MYO5A: variants seen among roughly 807,000 people sequenced by gnomAD.
The protein encoded by MYO5A is myosin VA, also known as unconventional myosin-Va.
Under a neutral mutation model 249.7 loss-of-function variants are expected in MYO5A, and 98 were observed. The ratio of observed to expected loss-of-function variants is 0.39; its 90% confidence interval spans 0.33 to 0.46. MYO5A has a LOEUF of 0.46. Among genes scored for constraint, MYO5A ranks in the 20% least tolerant of loss-of-function variants. The pLI, the probability that MYO5A is intolerant of heterozygous loss-of-function variation, is 0.98. For missense variants in MYO5A, 1,696 were observed against 2,308.8 expected, an observed-to-expected ratio of 0.73 and a Z score of 5.44; for synonymous variants, 778 against 810.6, an observed-to-expected ratio of 0.96 and a Z score of 0.68.
Position 52,372,166 on chromosome 15 carries a change from C to A in MYO5A, c.2775G>T (p.Met925Ile). 6.2e-7 allele frequency: 1 copy of A among 1,613,714 alleles called. No homozygotes were observed. Among genetic ancestry groups the A allele is most frequent in the Non-Finnish European group, 8.5e-7 (1 of 1,180,022 alleles). ...GCTGCAGCTGCATGATCTTGTTCTC[C>A]ATGCCGATGTGCAGCTTCTTATAGC... ...VERYKKLHIG[M>I]ENKIMQLQRK... Residue 925 changes from methionine (M) to isoleucine (I), a missense_variant, in exon 21 of 42, where the codon ATG becomes ATT. By Grantham distance (10) the Met-to-Ile change is conservative. This residue lies in a region of MYO5A where 412 missense variants were observed against 453.3 expected (regional missense o/e 0.91). Transcript: ENST00000399233.
chr15:52,522,675 CAG>C (rs983240980), intron 1 of MYO5A, among the ~76,000 whole-genome samples: 2 of 152,052 alleles, frequency 1.3e-5, no homozygotes, highest in Non-Finnish European at 2.9e-5. Flanking sequence ...AAATGAAAAA[CAG>C]AGAAACTAAA....
chr15:52,333,879 G>A (rs956781252), intron 34 of MYO5A, among the ~76,000 whole-genome samples: 2 of 152,184 alleles, frequency 1.3e-5, no homozygotes, highest in Non-Finnish European at 2.9e-5. Context: ...AGGCAGATAC[G>A]AGGATGAAAA....
chr15:52,382,511 C>T (rs771392731), intron 16 of MYO5A, among the ~76,000 whole-genome samples: 2 of 152,040 alleles, frequency 1.3e-5, no homozygotes, highest in South Asian at 2.1e-4. Flanking sequence ...GCAGAGGTTG[C>T]GGTAAGCCGA....
intron 30 of MYO5A, among the ~76,000 whole-genome samples, chr15:52,344,519 T>C (rs2039524927): frequency 6.6e-6 from 1 of 152,208 alleles, no homozygotes; most frequent in Non-Finnish European, 1.5e-5. Context: ...CTTCGTCTTC[T>C]TATGTATCTT....
At chr15:52,331,820 C>T in intron 34 of MYO5A, 1 of 985,412 alleles carries the variant, frequency 1.0e-6, no homozygotes, top group Non-Finnish European at 1.2e-6. Flanking sequence ...CACCACCATC[C>T]AGCAACACTA....
intron 18 of MYO5A, among the ~76,000 whole-genome samples, chr15:52,378,211 C>T (rs150147463): frequency 5.4e-4 from 82 of 152,086 alleles, no homozygotes; most frequent in African/African-American, 1.7e-3. Context: ...TACATTCCCA[C>T]CTGAACACAG....
In MYO5A at chr15:52,337,802, T is replaced by A. The variant is rs1231358561; in HGVS notation, c.4314+8A>T. On this transcript the variant is annotated splice_region_variant and intron_variant, in intron 33 of 41. Coordinates refer to ENST00000399233, the MANE Select transcript of MYO5A (RefSeq NM_001382347.1). ...AAGACAGCAGAAAAGCACTATGGTT[T>A]TACATACAATCATCCGTTTGTAAAG... 1 of 1,530,722 alleles carries A rather than the reference T, an allele frequency of 6.5e-7. No homozygotes were observed. Among genetic ancestry groups the A allele is most frequent in the East Asian group, 2.5e-5 (1 of 40,816 alleles). The allele number at this position is 1,530,722 out of a possible 1,614,324, so 94.8% of individuals were successfully genotyped here.
intron 9 of MYO5A, among the ~76,000 whole-genome samples, chr15:52,400,286 T>C (rs1001748556): frequency 2.6e-5 from 4 of 152,206 alleles, no homozygotes; most frequent in African/African-American, 9.6e-5. Context: ...TTCCAATTTA[T>C]CCTCTGTTAT....
intron 1 of MYO5A, among the ~76,000 whole-genome samples, chr15:52,507,803 C>CAAAAAAAAAAAAAAAAAAAAAA (rs146846192): frequency 7.1e-5 from 9 of 127,156 alleles, no homozygotes; most frequent in African/African-American, 9.5e-5. Flanking sequence ...GACCCTGTCC[C>CAAAAAAAAAAAAAAAAAAAAAA]CAAAAAAAAA....
At chr15:52,320,111 G>T (rs1378735051) in intron 38 of MYO5A, among the ~76,000 whole-genome samples, 1 of 152,164 alleles carries the variant, frequency 6.6e-6, no homozygotes, top group African/African-American at 2.4e-5. Context: ...CCTTATTCTG[G>T]GTTTCCCACA....
chr15:52,445,446 T>G (rs757290065), intron 1 of MYO5A, among the ~76,000 whole-genome samples: 1 of 152,150 alleles, frequency 6.6e-6, no homozygotes, highest in Non-Finnish European at 1.5e-5. Flanking sequence ...AGGTCTTTCT[T>G]TATAGCAATG....
chr15:52,418,333 C>G (rs1418492494), intron 4 of MYO5A, among the ~76,000 whole-genome samples: 1 of 152,178 alleles, frequency 6.6e-6, no homozygotes, highest in Non-Finnish European at 1.5e-5. Flanking sequence ...AAAAATACTG[C>G]TTCATTCGTT....
At chr15:52,489,023 G>T (rs1229572465) in intron 1 of MYO5A, among the ~76,000 whole-genome samples, 2 of 152,124 alleles carry the variant, frequency 1.3e-5, no homozygotes, top group South Asian at 2.1e-4. Flanking sequence ...CTTCTACATG[G>T]CGTGTACATG....
At chr15:52,348,790 T>C in intron 29 of MYO5A, 28 bp downstream of exon 29, 2 of 1,315,146 alleles carry the variant, frequency 1.5e-6, no homozygotes, top group Non-Finnish European at 2.0e-6. Context: ...TAGAAGTATT[T>C]ACTAAAAAAA....
chr15:52,430,072 AC>A (rs1318271642), intron 2 of MYO5A, among the ~76,000 whole-genome samples: 4 of 152,384 alleles, frequency 2.6e-5, no homozygotes, highest in South Asian at 4.1e-4. Context: ...TTATGGTAAT[AC>A]TAAAAATATA....
Position 52,405,352 on chromosome 15 carries a change from C to T in MYO5A, c.988G>A (p.Ala330Thr). 1.2e-6 allele frequency: 2 copies of T among 1,613,820 alleles called. No individual in the cohort carries two copies. Among genetic ancestry groups the T allele is most frequent in the South Asian group, 2.2e-5 (2 of 91,080 alleles). ...ACATTGCCTAAGTGAAGGATGCCAG[C>T]AAGTATTCGGAAAATTCCCATTTGA... ...SHQMGIFRIL[A>T]GILHLGNVGF... is the part of the protein sequence containing the mutation. Residue 330 changes from alanine (A) to threonine (T), a missense_variant, in exon 9 of 42, where the codon GCT becomes ACT. Ala to Thr is a moderately conservative substitution (Grantham distance 58, BLOSUM62 0). Coordinates refer to ENST00000399233, the MANE Select transcript of MYO5A (RefSeq NM_001382347.1).
intron 22 of MYO5A, among the ~76,000 whole-genome samples, chr15:52,367,490 C>T (rs1199431995): frequency 2.0e-5 from 3 of 152,176 alleles, no homozygotes; most frequent in East Asian, 3.8e-4. Flanking sequence ...TTTTACTTTA[C>T]ATTAAACATT....
At chr15:52,353,519 G>A in intron 27 of MYO5A, 86 bp downstream of exon 27, 1 of 1,124,194 alleles carries the variant, frequency 8.9e-7, no homozygotes, top group East Asian at 2.3e-5. Context: ...AACCCTTAAG[G>A]ATGTTCTCTG....
intron 1 of MYO5A, among the ~76,000 whole-genome samples, chr15:52,491,768 T>A (rs2177876): frequency 6.6e-6 from 1 of 152,110 alleles, no homozygotes; most frequent in Non-Finnish European, 1.5e-5. Context: ...CAAAAACTCA[T>A]ACACGAAGCA....
Sources: allele counts gnomAD v4.1 joint callset (sites outside exome capture counted in the v4.1 genomes callset), GRCh38; gene constraint gnomAD v4.1.1; regional missense constraint gnomAD v4.1.1; transcripts MANE v1.5; gene names NCBI Gene and HGNC (gene_info 2026-07-23, HGNC 2026-07-21).